RPL22: variants seen among roughly 807,000 people sequenced by gnomAD.
The protein encoded by RPL22 is ribosomal protein L22.
In RPL22, 4 loss-of-function variants were observed where a neutral mutation model predicts 16.2. The observed-to-expected ratio is 0.25, with a 90% confidence interval of 0.12 to 0.57. The LOEUF (loss-of-function observed/expected upper bound fraction) is 0.57. Ranked by LOEUF, RPL22 falls within the 20% of genes least tolerant of loss-of-function variation. RPL22 has a pLI of 0.92. For synonymous variants in RPL22, 43 were observed against 54.8 expected, an observed-to-expected ratio of 0.78 and a Z score of 0.95; for missense variants, 83 against 156.1, an observed-to-expected ratio of 0.53 and a Z score of 2.49.
In RPL22 at chr1:6,189,601, A is replaced by C. The variant is rs1347460137; in HGVS notation, c.243-2785T>G. On this transcript the variant is annotated intron_variant, in intron 3 of 3. Coordinates refer to ENST00000234875, the MANE Select transcript of RPL22 (RefSeq NM_000983.4). Reference sequence around the variant, plus strand: ...AAATCCCTAATAGTACACTGGGGAAAAAAATCAGGTTAAAAAAAAAAAAAA... The same window carrying C: ...AAATCCCTAATAGTACACTGGGGAACAAAATCAGGTTAAAAAAAAAAAAAA... Among the ~76,000 whole-genome samples the C allele has an allele frequency of 2.0e-5, 3 of 148,616 alleles. 1 individual carries two copies. Among genetic ancestry groups the C allele is most frequent in the Admixed American group, 2.0e-4 (3 of 14,970 alleles).
intron 1 of RPL22, chr1:6,199,188 C>T: frequency 1.2e-5 from 3 of 247,344 alleles, no homozygotes. Flanking sequence ...CTTCCGAATG[C>T]GCGGCTCCCC....
intron 3 of RPL22, among the ~76,000 whole-genome samples, chr1:6,191,998 CAAAA>C (rs548085787): frequency 3.0e-5 from 2 of 67,128 alleles, no homozygotes; most frequent in African/African-American, 5.2e-5. Flanking sequence ...GACTCGGTTT[CAAAA>C]AAAAAAAAAA....
chr1:6,188,889 A>C lies in RPL22; in HGVS notation c.243-2073T>G, dbSNP rs566132652. 2.9e-4 allele frequency among the ~76,000 whole-genome samples: 44 copies of C among 151,594 alleles called. No individual in the cohort carries two copies. The South Asian group carries it at 8.6e-3, about 30-fold the overall frequency. ...CAACCTCCGTCTCCCGGGTTCAAGC[A>C]ATTCTCCTGCCTCAGCCTCCCGAGT... On this transcript the variant is annotated intron_variant, in intron 3 of 3. Coordinates refer to ENST00000234875, the MANE Select transcript of RPL22 (RefSeq NM_000983.4).
intron 3 of RPL22, among the ~76,000 whole-genome samples, chr1:6,190,965 G>A (rs1447315234): frequency 2.0e-5 from 3 of 152,106 alleles, no homozygotes; most frequent in African/African-American, 7.2e-5. Flanking sequence ...GTTCATGCCT[G>A]TAATCCCAGC....
chr1:6,190,527 T>G (rs1571185573), intron 3 of RPL22, among the ~76,000 whole-genome samples: 1 of 152,176 alleles, frequency 6.6e-6, no homozygotes, highest in South Asian at 2.1e-4. Flanking sequence ...ATTACAGGCA[T>G]GCACCACCAC....
At chr1:6,187,654 T>C (rs1571184155) in intron 3 of RPL22, among the ~76,000 whole-genome samples, 1 of 146,180 alleles carries the variant, frequency 6.8e-6, no homozygotes, top group African/African-American at 2.6e-5. Flanking sequence ...AGCAGATAAG[T>C]AGATAAGTAG....
At chr1:6,189,243 G>A (rs1392560666) in intron 3 of RPL22, among the ~76,000 whole-genome samples, 2 of 151,714 alleles carry the variant, frequency 1.3e-5, no homozygotes, top group African/African-American at 4.9e-5. Context: ...CACCAACAAA[G>A]CAATCGCCAC....
chr1:6,193,416 C>T (rs1212710080), intron 2 of RPL22, among the ~76,000 whole-genome samples: 1 of 151,968 alleles, frequency 6.6e-6, no homozygotes, highest in Non-Finnish European at 1.5e-5. Context: ...CCTCCGCCTC[C>T]CAGGTTCAAG....
intron 2 of RPL22, among the ~76,000 whole-genome samples, chr1:6,196,996 T>C (rs1667728340): frequency 6.6e-6 from 1 of 152,186 alleles, no homozygotes; most frequent in South Asian, 2.1e-4. Flanking sequence ...GGGGATGCCA[T>C]GGACCCAGTG....
chr1:6,185,118 A>G lies in RPL22; in HGVS notation c.*1554T>C. On this transcript the variant is annotated 3_prime_UTR_variant, in exon 4 of 4. Transcript: ENST00000234875. ...AGACATAGAAAACCAGTGAGTTTCAATTTTATTACAAGTTTTCAAATCTGG... is the reference window on the plus strand; with the variant it reads ...AGACATAGAAAACCAGTGAGTTTCAGTTTTATTACAAGTTTTCAAATCTGG... The G allele has an allele frequency of 2.6e-6, 1 of 389,982 alleles. No homozygotes were observed. The highest frequency in any genetic ancestry group is 4.5e-6 in the Non-Finnish European group (1 of 221,304). The allele number at this position is 389,982 out of a possible 1,614,324, so 24.2% of individuals were successfully genotyped here. A position where few individuals can be genotyped will look rare whatever the true frequency, so the allele number is the denominator to read the frequency against.
chr1:6,194,306 A>C (rs2100905979), intron 2 of RPL22, among the ~76,000 whole-genome samples: 2 of 152,370 alleles, frequency 1.3e-5, no homozygotes, highest in East Asian at 3.9e-4. Context: ...CAGCACTATC[A>C]GAAAATAAGC....
At chr1:6,190,462 C>A (rs1479184511) in intron 3 of RPL22, among the ~76,000 whole-genome samples, 1 of 152,168 alleles carries the variant, frequency 6.6e-6, no homozygotes, top group Non-Finnish European at 1.5e-5. Context: ...CTCACCGCAA[C>A]CTCCGCCTCC....
Position 6,199,456 on chromosome 1 carries a change from C to T in RPL22, c.12+106G>A, listed in dbSNP as rs556604083. ...CGGCCGACCTGCCAGCCCACCCCAG[C>T]AGGACGCTGCAGGGCGCCGTCCCCA... On this transcript the variant is annotated intron_variant, in intron 1 of 3. Transcript: ENST00000234875. The T allele has an allele frequency of 1.5e-4, 218 of 1,485,544 alleles. No homozygotes were observed. The African/African-American group carries it at 2.5e-3, about 17-fold the overall frequency. The allele number at this position is 1,485,544 out of a possible 1,614,324, so 92.0% of individuals were successfully genotyped here.
chr1:6,187,151 T>TA (rs1667591893), intron 3 of RPL22, among the ~76,000 whole-genome samples: 1 of 151,694 alleles, frequency 6.6e-6, no homozygotes, highest in African/African-American at 2.4e-5. Flanking sequence ...CTACTAAAAA[T>TA]AAAAAAATTA....
chr1:6,193,261 G>C (rs1325347298), intron 2 of RPL22, among the ~76,000 whole-genome samples: 1 of 151,232 alleles, frequency 6.6e-6, no homozygotes, highest in Non-Finnish European at 1.5e-5. Flanking sequence ...TCCCACCTCA[G>C]CCTCTCAAAG....
At chr1:6,187,064 T>C (rs903273052) in intron 3 of RPL22, among the ~76,000 whole-genome samples, 1 of 152,104 alleles carries the variant, frequency 6.6e-6, no homozygotes, top group Non-Finnish European at 1.5e-5. Context: ...TCCCAGCGCT[T>C]TGGGAGGCCA....
Position 6,197,529 on chromosome 1 carries a change from T to C in RPL22, c.117+123A>G, listed in dbSNP as rs1345147599. 8 of 642,496 alleles carry C rather than the reference T, an allele frequency of 1.2e-5. No homozygotes were observed. The East Asian group carries it at 1.9e-4, about 15-fold the overall frequency. The allele number at this position is 642,496 out of a possible 1,614,324, so 39.8% of individuals were successfully genotyped here. On this transcript the variant is annotated intron_variant, in intron 2 of 3. Transcript: ENST00000234875. ...ATCTGCCCACATTCCCAGGGTGAGATGATACAGCCAGACCTGTGAAGCTGC... is the reference window on the plus strand; with the variant it reads ...ATCTGCCCACATTCCCAGGGTGAGACGATACAGCCAGACCTGTGAAGCTGC...
At chr1:6,197,928 A>G in intron 1 of RPL22, 172 bp from the exon 2 acceptor site, 1 of 620,828 alleles carries the variant, frequency 1.6e-6, no homozygotes, top group Non-Finnish European at 2.9e-6. Flanking sequence ...TGCCAGAGGT[A>G]TAATGGGGCA....
chr1:6,188,724 T>C (rs7521209), intron 3 of RPL22, among the ~76,000 whole-genome samples: 19,811 of 151,492 alleles, frequency 0.13, 2,115 homozygotes, highest in African/African-American at 0.29. Flanking sequence ...TGAAAGGGGA[T>C]CCCTGCTACT....
Sources: allele counts gnomAD v4.1 joint callset (sites outside exome capture counted in the v4.1 genomes callset), GRCh38; gene constraint gnomAD v4.1.1; transcripts MANE v1.5; gene names NCBI Gene and HGNC (gene_info 2026-07-23, HGNC 2026-07-21).